Variants in ASAP3 observed in about 807,000 individuals in gnomAD.
The protein encoded by ASAP3 is ArfGAP with SH3 domain, ankyrin repeat and PH domain 3.
ASAP3 carries 85 observed loss-of-function variants against 118.2 expected under a neutral mutation model. The ratio of observed to expected loss-of-function variants is 0.72; its 90% confidence interval spans 0.60 to 0.86. The LOEUF (loss-of-function observed/expected upper bound fraction) is 0.86, where lower values mean the gene tolerates loss of function less well. ASAP3 is among the 40% of genes least tolerant of loss of function. The pLI is 0.00. For missense variants in ASAP3, 1,026 were observed against 1,175.0 expected (o/e 0.87, Z 1.85); for synonymous variants, 432 against 477.4 (o/e 0.90, Z 1.24).
At chr1:23,451,672 G>A (rs1641220054) in intron 4 of ASAP3, 144 bp from the exon 5 acceptor site, 1 of 870,972 alleles carries the variant, frequency 1.1e-6, no homozygotes, top group African/African-American at 1.7e-5. Context: ...TGCCCCCACA[G>A]TCCTGCTGCA....
intron 1 of ASAP3, among the ~76,000 whole-genome samples, chr1:23,474,501 C>T (rs528753384): frequency 6.6e-6 from 1 of 152,288 alleles, no homozygotes; most frequent in Admixed American, 6.5e-5. Flanking sequence ...TCTCTTGATA[C>T]CGAGGGTCCC....
chr1:23,434,151 AG>A, intron 19 of ASAP3, 102 bp downstream of exon 19: 1 of 1,083,704 alleles, frequency 9.2e-7, no homozygotes, highest in Non-Finnish European at 1.4e-6. Flanking sequence ...AAGATCACAG[AG>A]GTGGTCAGAA....
At chr1:23,430,686 G>A (rs946417060) in intron 24 of ASAP3, among the ~76,000 whole-genome samples, 1 of 152,200 alleles carries the variant, frequency 6.6e-6, no homozygotes, top group Non-Finnish European at 1.5e-5. Flanking sequence ...CAGAGCTTGG[G>A]CCTCATGATC....
upstream of ASAP3, chr1:23,484,250 C>G (rs1287222041): frequency 2.0e-6 from 2 of 1,004,268 alleles, no homozygotes; most frequent in Non-Finnish European, 2.5e-6. Context: ...CGCCCCGCCC[C>G]TCCGCACGCC....
chr1:23,430,105 A>G (rs371436552), intron 24 of ASAP3, among the ~76,000 whole-genome samples, 175 bp from the exon 25 acceptor site: 1 of 152,374 alleles, frequency 6.6e-6, no homozygotes, highest in South Asian at 2.1e-4. Flanking sequence ...TCCTTACTCT[A>G]AAGCCCAAGC....
At position 23,431,066 on chromosome 1, in the gene ASAP3, G is replaced by C; in HGVS notation, c.2606C>G (p.Ala869Gly). The C allele has an allele frequency of 6.3e-7, 1 of 1,590,044 alleles. No homozygotes were observed. Reference protein sequence around the residue: ...GARSPEDGPSARQPLPRRNVP... With the variant: ...GARSPEDGPSGRQPLPRRNVP... Reference sequence around the variant, plus strand: ...GTTCCTTCTGGGCAGAGGCTGCCTGGCTGAGGGACCATCTTCAGGGCTCCG... The same window carrying C: ...GTTCCTTCTGGGCAGAGGCTGCCTGCCTGAGGGACCATCTTCAGGGCTCCG... Residue 869 changes from alanine to glycine, a missense_variant, in exon 24 of 25, where the codon GCC becomes GGC. Physicochemically the swap from Ala to Gly is moderately conservative, Grantham distance 60. Coordinates refer to ENST00000336689, the MANE Select transcript of ASAP3 (RefSeq NM_017707.4).
intron 1 of ASAP3, among the ~76,000 whole-genome samples, chr1:23,472,694 T>C (rs1157055351): frequency 6.6e-6 from 1 of 152,222 alleles, no homozygotes; most frequent in Non-Finnish European, 1.5e-5. Context: ...TTTCCTCTTT[T>C]CTCTGTATGT....
chr1:23,458,960 A>T (rs1641479815), intron 1 of ASAP3, among the ~76,000 whole-genome samples: 1 of 152,192 alleles, frequency 6.6e-6, no homozygotes, highest in South Asian at 2.1e-4. Flanking sequence ...ACCTGAGGTC[A>T]GGAGTTCAAG....
chr1:23,455,285 G>T (rs901198600), intron 3 of ASAP3, among the ~76,000 whole-genome samples: 4 of 152,214 alleles, frequency 2.6e-5, no homozygotes, highest in African/African-American at 9.6e-5. Flanking sequence ...GCCTGCACAT[G>T]GGAAGAGCTG....
chr1:23,442,436 C>T, intron 6 of ASAP3, 65 bp downstream of exon 6: 1 of 1,599,112 alleles, frequency 6.3e-7, no homozygotes, highest in Middle Eastern at 2.0e-4. Flanking sequence ...GTGACTGGTC[C>T]CCTGGAGAGG....
chr1:23,440,726 G>A lies in ASAP3; in HGVS notation c.944+376C>T, dbSNP rs141424071. 9.2e-3 allele frequency among the ~76,000 whole-genome samples: 1,386 copies of A among 150,460 alleles called. 11 individuals are homozygous for A. The highest frequency in any genetic ancestry group is 0.019 in the African/African-American group (778 of 40,878). On this transcript the variant is annotated intron_variant, in intron 10 of 24. Coordinates refer to ENST00000336689, the MANE Select transcript of ASAP3 (RefSeq NM_017707.4). ...AAAAAAATTAGCCGAGTGTGGTGGC[G>A]AGTGCCTGTAGTCCCAGCTACTCGG...
chr1:23,437,310 C>G lies in ASAP3; in HGVS notation c.1162G>C (p.Val388Leu). 1 of 1,610,254 alleles carries G rather than the reference C, an allele frequency of 6.2e-7. No homozygotes were observed. ...GCTTCGTCCTTGCTGTTCTGCAACA[C>G]TGACACCCACCTGCGGAGATTGAAC... is the stretch of plus-strand genomic sequence containing the variant. ...DEHECEAWVSVLQNSKDEALS... is the reference protein window; with the variant it reads ...DEHECEAWVSLLQNSKDEALS... The change falls in exon 14 of 25, where the codon GTG becomes CTG. Residue 388 changes from valine (V) to leucine (L), a missense_variant. Physicochemically the swap from Val to Leu is conservative, Grantham distance 32 (BLOSUM62 1). Coordinates refer to ENST00000336689, the MANE Select transcript of ASAP3 (RefSeq NM_017707.4). This position sits in a 1 kb window ranked among gnomAD's most constrained non-coding sequence, Gnocchi z 6.1.
At chr1:23,432,972 C>G (rs941626625) in intron 22 of ASAP3, 105 bp downstream of exon 22, 65 of 1,327,864 alleles carry the variant, frequency 4.9e-5, no homozygotes, top group Non-Finnish European at 6.3e-5. Flanking sequence ...GGGAGGTCAT[C>G]ATAAGGATAG....
intron 3 of ASAP3, among the ~76,000 whole-genome samples, chr1:23,453,116 C>A (rs192389148): frequency 1.2e-4 from 19 of 152,322 alleles, no homozygotes; most frequent in Admixed American, 1.0e-3. Context: ...TGCACTGCTC[C>A]AGCAGCATCC....
intron 1 of ASAP3, among the ~76,000 whole-genome samples, chr1:23,482,500 A>AG (rs1308466308): frequency 1.3e-5 from 2 of 151,334 alleles, no homozygotes; most frequent in Admixed American, 6.6e-5. Flanking sequence ...CCAGCCTGGG[A>AG]GACAGAGCAA....
chr1:23,480,617 T>C (rs1407070803), intron 1 of ASAP3, among the ~76,000 whole-genome samples: 1 of 152,196 alleles, frequency 6.6e-6, no homozygotes, highest in Non-Finnish European at 1.5e-5. Flanking sequence ...ACAGGCTACT[T>C]CTCCCTAGTC....
At position 23,437,587 on chromosome 1, in the gene ASAP3, G is replaced by T; in HGVS notation, c.1103-115C>A. 2 of 1,296,400 alleles carry T rather than the reference G, an allele frequency of 1.5e-6. No individual in the cohort carries two copies. The highest frequency in any genetic ancestry group is 2.1e-6 in the Non-Finnish European group (2 of 932,272). The allele number at this position is 1,296,400 out of a possible 1,614,324, so 80.3% of individuals were successfully genotyped here. A position where few individuals can be genotyped will look rare whatever the true frequency, so the allele number is the denominator to read the frequency against. ...CATGGAGATGTGTCCCTGACAAGTC[G>T]GACTCTCAAGCTAGGAGTGGGAAGG... On this transcript the variant is annotated intron_variant, in intron 12 of 24. Coordinates refer to ENST00000336689, the MANE Select transcript of ASAP3 (RefSeq NM_017707.4). The surrounding 1 kb of genome is among the most constrained non-coding windows in gnomAD (Gnocchi z 6.1).
upstream of ASAP3, chr1:23,484,234 T>C: frequency 1.8e-6 from 2 of 1,116,854 alleles, no homozygotes; most frequent in East Asian, 7.3e-5. Context: ...CGTCCCGGCC[T>C]CCACACGCCC....
chr1:23,464,871 G>A (rs1415057963), intron 1 of ASAP3, among the ~76,000 whole-genome samples: 1 of 152,004 alleles, frequency 6.6e-6, no homozygotes, highest in East Asian at 1.9e-4. Flanking sequence ...AAGCCCTCCA[G>A]GTGATTCTAA....
Sources: allele counts gnomAD v4.1 joint callset (sites outside exome capture counted in the v4.1 genomes callset), GRCh38; gene constraint gnomAD v4.1.1; non-coding constraint Gnocchi (gnomAD v3.1); transcripts MANE v1.5; gene names NCBI Gene and HGNC (gene_info 2026-07-23, HGNC 2026-07-21).